Variants in OSBPL1A observed in about 807,000 individuals in gnomAD.
The protein encoded by OSBPL1A is oxysterol binding protein like 1A, also known as oxysterol-binding protein-related protein 1.
OSBPL1A carries 80 observed loss-of-function variants against 137.1 expected under a neutral mutation model. The observed-to-expected ratio is 0.58, with a 90% CI of 0.49 to 0.70. OSBPL1A has a LOEUF of 0.70. Ranked by LOEUF, OSBPL1A falls within the 30% of genes least tolerant of loss-of-function variation. The pLI is 0.00. For synonymous variants in OSBPL1A, 365 were observed against 389.7 expected (o/e 0.94, Z 0.75); for missense variants, 970 against 1,129.4 (o/e 0.86, Z 2.02).
At chr18:24,308,378 T>TA (rs528492523) in intron 13 of OSBPL1A, among the ~76,000 whole-genome samples, 39,259 of 141,366 alleles carry the variant, frequency 0.28, 6,056 homozygotes, top group African/African-American at 0.45. Flanking sequence ...GCCTCAAAAT[T>TA]AAAAAAAAAA....
intron 2 of OSBPL1A, among the ~76,000 whole-genome samples, chr18:24,371,427 C>T (rs570778253): frequency 5.3e-5 from 8 of 152,176 alleles, no homozygotes; most frequent in Non-Finnish European, 1.0e-4. Flanking sequence ...ACCAAATCAA[C>T]CATCCCACCT....
intron 16 of OSBPL1A, among the ~76,000 whole-genome samples, chr18:24,233,480 T>C (rs4800566): frequency 0.33 from 49,557 of 152,082 alleles, 8,469 homozygotes; most frequent in Middle Eastern, 0.44. Flanking sequence ...AGGCTCATTA[T>C]TGAATAACAA....
chr18:24,320,386 A>G (rs2090825207), intron 7 of OSBPL1A, among the ~76,000 whole-genome samples: 2 of 152,204 alleles, frequency 1.3e-5, no homozygotes, highest in East Asian at 1.9e-4. Context: ...AGTAACTGGG[A>G]TACCACTTTA....
rs758634160 is a variant in OSBPL1A at position 24,368,270 on chromosome 18, T to G, written c.207+17A>C. The G allele has an allele frequency of 6.3e-7, 1 of 1,575,332 alleles. No homozygotes were observed. On this transcript the variant is annotated intron_variant, in intron 3 of 27. Transcript: ENST00000319481. ...AATATTTACTGTAGTCATTAAAAATTAAAGTCATAAATAGACCTTCAACAG... is the reference window on the plus strand; with the variant it reads ...AATATTTACTGTAGTCATTAAAAATGAAAGTCATAAATAGACCTTCAACAG...
intron 15 of OSBPL1A, among the ~76,000 whole-genome samples, chr18:24,270,657 A>T (rs2089695351): frequency 6.6e-6 from 1 of 152,136 alleles, no homozygotes; most frequent in Non-Finnish European, 1.5e-5. Flanking sequence ...ACATCAGCTT[A>T]GGGACTAAAA....
intron 18 of OSBPL1A, among the ~76,000 whole-genome samples, chr18:24,187,378 G>C (rs1218510851): frequency 6.6e-6 from 1 of 152,112 alleles, no homozygotes; most frequent in Non-Finnish European, 1.5e-5. Flanking sequence ...AAATGGTGAA[G>C]GTGGTGCCTT....
chr18:24,300,453 TAA>T (rs1341924091), intron 14 of OSBPL1A, among the ~76,000 whole-genome samples: 1 of 152,310 alleles, frequency 6.6e-6, no homozygotes, highest in African/African-American at 2.4e-5. Context: ...TACAAAAAAT[TAA>T]TCTGGCAGCA....
At chr18:24,196,012 G>A (rs1200403736) in intron 18 of OSBPL1A, 113 bp downstream of exon 18, 25 of 802,654 alleles carry the variant, frequency 3.1e-5, no homozygotes, top group Non-Finnish European at 4.0e-5. Context: ...ATTCTCGTAC[G>A]TTCCCATAAA....
In OSBPL1A at chr18:24,188,177, C is replaced by T. The variant is rs564403184; in HGVS notation, c.1678-6898G>A. Among the ~76,000 whole-genome samples the T allele has an allele frequency of 3.9e-5, 6 of 152,286 alleles. No homozygotes were observed. The East Asian group carries it at 1.2e-3, about 29-fold the overall frequency. ...AGTATTTATAAGACAGGAGTTCTTC[C>T]CTCAAAGAGATTCTGCTTTGTTTTC... On this transcript the variant is annotated intron_variant, in intron 18 of 27. Transcript: ENST00000319481.
At chr18:24,287,957 G>A (rs1319035367) in intron 14 of OSBPL1A, among the ~76,000 whole-genome samples, 3 of 152,168 alleles carry the variant, frequency 2.0e-5, no homozygotes, top group Non-Finnish European at 4.4e-5. Context: ...TGCCCTGTAC[G>A]ACAGGCCTGA....
At chr18:24,178,242 A>C in intron 20 of OSBPL1A, 47 bp from the exon 21 acceptor site, 2 of 1,431,284 alleles carry the variant, frequency 1.4e-6, no homozygotes, top group Non-Finnish European at 1.9e-6. Flanking sequence ...GCAACATTAT[A>C]ATTAACTCTA....
At chr18:24,363,420 T>C (rs1191111106) in intron 4 of OSBPL1A, among the ~76,000 whole-genome samples, 1 of 151,784 alleles carries the variant, frequency 6.6e-6, no homozygotes. Flanking sequence ...TTCCCTCTTA[T>C]TACACTTCTT....
At chr18:24,180,029 T>C (rs2086559106) in intron 19 of OSBPL1A, among the ~76,000 whole-genome samples, 194 bp from the exon 20 acceptor site, 1 of 152,232 alleles carries the variant, frequency 6.6e-6, no homozygotes, top group South Asian at 2.1e-4. Context: ...TTTCAGTTGC[T>C]TCCTACAGTG....
rs972498776 is a variant in OSBPL1A at position 24,341,537 on chromosome 18, T to C, written c.394+10A>G. On this transcript the variant is annotated intron_variant, in intron 5 of 27. Transcript: ENST00000319481. ...TAAATGCTGTTTATGTTCACATCCA[T>C]GATATTTACCTTCAAGCATGCTTCT... 2 of 1,593,394 alleles carry C rather than the reference T, an allele frequency of 1.3e-6. No individual in the cohort carries two copies. Among genetic ancestry groups the C allele is most frequent in the Admixed American group, 1.7e-5 (1 of 59,138 alleles).
At chr18:24,377,616 G>A (rs2146205525) in intron 1 of OSBPL1A, 81 bp from the exon 2 acceptor site, 1 of 1,347,830 alleles carries the variant, frequency 7.4e-7, no homozygotes, top group East Asian at 2.5e-5. Flanking sequence ...ACAGAAAGGG[G>A]AAAGAATCCT....
chr18:24,390,274 G>T (rs1229844516), intron 1 of OSBPL1A, among the ~76,000 whole-genome samples: 1 of 152,148 alleles, frequency 6.6e-6, no homozygotes, highest in Non-Finnish European at 1.5e-5. Context: ...ATACCCAAAA[G>T]AACTAAAAGC....
At chr18:24,266,395 G>T (rs1273515903) in intron 15 of OSBPL1A, among the ~76,000 whole-genome samples, 2 of 152,144 alleles carry the variant, frequency 1.3e-5, no homozygotes, top group Non-Finnish European at 2.9e-5. Context: ...AAGAAGGAAA[G>T]GGGGAGATGA....
chr18:24,243,380 T>C (rs977526429), intron 15 of OSBPL1A, among the ~76,000 whole-genome samples: 4 of 152,184 alleles, frequency 2.6e-5, no homozygotes, highest in African/African-American at 9.6e-5. Context: ...GCCTACCCCA[T>C]CTCTTTCCCC....
chr18:24,198,733 A>G (rs1305591986), intron 17 of OSBPL1A, among the ~76,000 whole-genome samples: 2 of 152,110 alleles, frequency 1.3e-5, no homozygotes, highest in African/African-American at 4.8e-5. Flanking sequence ...CCATAGCATG[A>G]CGAGGCTGCC....
Sources: allele counts gnomAD v4.1 joint callset (sites outside exome capture counted in the v4.1 genomes callset), GRCh38; gene constraint gnomAD v4.1.1; transcripts MANE v1.5; gene names NCBI Gene and HGNC (gene_info 2026-07-23, HGNC 2026-07-21).